The following ERGIC3 variants were observed in gnomAD, a reference collection of about 807,000 sequenced individuals.
The protein encoded by ERGIC3 is endoplasmic reticulum-Golgi intermediate compartment protein 3.
Under a neutral mutation model 54.7 loss-of-function variants are expected in ERGIC3, and 33 were observed. The observed-to-expected ratio is 0.60, with a 90% confidence interval of 0.46 to 0.81. ERGIC3 has a LOEUF of 0.81. Ranked by LOEUF, ERGIC3 falls within the 30% of genes least tolerant of loss-of-function variation. The pLI is 0.00. For missense variants in ERGIC3, 399 were observed against 488.4 expected (o/e 0.82, Z 1.73); for synonymous variants, 186 against 189.8 (o/e 0.98, Z 0.16).
rs1568872896 is a variant in ERGIC3, at chr20:35,555,171, G to A, written c.717+96G>A. 7.0e-6 allele frequency: 10 copies of A among 1,421,708 alleles called. No homozygotes were observed. In the East Asian group the frequency reaches 2.0e-4, roughly 29 times the overall value. The allele number at this position is 1,421,708 out of a possible 1,614,324, so 88.1% of individuals were successfully genotyped here. A position where few individuals can be genotyped will look rare whatever the true frequency, so the allele number is the denominator to read the frequency against. On this transcript the variant is annotated intron_variant, in intron 8 of 12. Coordinates refer to ENST00000348547, the MANE Select transcript of ERGIC3 (RefSeq NM_015966.3). ...TAGGAACATCCTGGGATGGGGTAGT[G>A]CATATGGAAAAATACACCACGTTCT...
rs755233679 is a variant in ERGIC3 at position 35,547,552 on chromosome 20, G to A, written c.461+47G>A. The A allele has an allele frequency of 4.5e-6, 7 of 1,562,678 alleles. No homozygotes were observed. The Admixed American group carries it at 5.0e-5, about 11-fold the overall frequency. ...GCAGGGTTCCCATCAGGCGCCATCT[G>A]TCAGTCAGCCTCAGCCTCAGTCAGA... On this transcript the variant is annotated intron_variant, in intron 5 of 12. Coordinates refer to ENST00000348547, the MANE Select transcript of ERGIC3 (RefSeq NM_015966.3).
chr20:35,551,415 A>G (rs566567735), intron 7 of ERGIC3, among the ~76,000 whole-genome samples: 8 of 152,270 alleles, frequency 5.3e-5, no homozygotes, highest in East Asian at 1.9e-4. Context: ...TGTTCAGACC[A>G]ATAGCATCTG....
intron 4 of ERGIC3, 134 bp downstream of exon 4, chr20:35,543,075 A>T: frequency 1.5e-6 from 2 of 1,308,602 alleles, no homozygotes; most frequent in Non-Finnish European, 2.1e-6. Flanking sequence ...TGACTTGCCT[A>T]GGGTCCCCCA....
At chr20:35,556,292 C>T in intron 10 of ERGIC3, 21 bp downstream of exon 10, 1 of 1,613,448 alleles carries the variant, frequency 6.2e-7, no homozygotes. Flanking sequence ...GAGCTCCCTA[C>T]CAGAGTCTCC....
Position 35,548,683 on chromosome 20 carries a change from A to C in ERGIC3, c.627+9A>C. On this transcript the variant is annotated intron_variant, in intron 6 of 12. Transcript: ENST00000348547. ...TCTTGGAAGTCAATAAGGTATCAGG[A>C]GGGATCAAGACAAGATAGGGCCAGC... The C allele has an allele frequency of 2.5e-6, 4 of 1,614,256 alleles. No homozygotes were observed. The highest frequency in any genetic ancestry group is 1.1e-5 in the South Asian group (1 of 91,086).
At chr20:35,542,263 CT>C (rs1425544356) in intron 1 of ERGIC3, 59 bp from the exon 2 acceptor site, 3 of 1,612,776 alleles carry the variant, frequency 1.9e-6, no homozygotes, top group Non-Finnish European at 1.7e-6. Context: ...TCTGACTGGC[CT>C]GCCGGTGTCT....
At position 35,542,733 on chromosome 20, in the gene ERGIC3, A is replaced by G. The variant is rs1601358335; in HGVS notation, c.248-89A>G. The G allele has an allele frequency of 1.9e-6, 3 of 1,609,616 alleles. No individual in the cohort carries two copies. In the Middle Eastern group the frequency reaches 5.0e-4, roughly 270 times the overall value. ...CTTCTCCTCATCCCGTTCTGCCCCA[A>G]GACAGGCCCAGTATCCCCTTCCCCT... On this transcript the variant is annotated intron_variant, in intron 3 of 12. Transcript: ENST00000348547.
chr20:35,544,416 G>T, intron 4 of ERGIC3: 1 of 297,626 alleles, frequency 3.4e-6, no homozygotes, highest in Non-Finnish European at 6.7e-6. Context: ...CAGAGAGAGG[G>T]CAGGACAGGG....
At chr20:35,556,949 G>GC in intron 10 of ERGIC3, 24 bp from the exon 11 acceptor site, 1 of 1,613,774 alleles carries the variant, frequency 6.2e-7, no homozygotes, top group East Asian at 2.2e-5. Flanking sequence ...CCTAGCCCTG[G>GC]CCCAGGCTCC....
rs551655672 is a variant in ERGIC3 at position 35,542,178 on chromosome 20, C to A, written c.81C>A (p.Gly27=). Residue 27 remains glycine (G), a synonymous_variant, in exon 1 of 13, where the codon GGC becomes GGA. Transcript: ENST00000348547. ...ACTTCCGGGTCAAGACCTGCGGGGG[C>A]GCCACCGGTAGGCCGCAGCGGGGCC... ...LEDFRVKTCG[G]ATVTIVSGLL... 5.7e-6 allele frequency: 9 copies of A among 1,578,166 alleles called. No homozygotes were observed. In the South Asian group the frequency reaches 1.0e-4, roughly 18 times the overall value.
chr20:35,554,854 C>T (rs1021872342), intron 7 of ERGIC3, 190 bp from the exon 8 acceptor site: 27 of 701,868 alleles, frequency 3.8e-5, no homozygotes, highest in Non-Finnish European at 5.9e-5. Flanking sequence ...CTGAGGAGGG[C>T]GTGAACTCTC....
chr20:35,557,099 GAGA>G lies in ERGIC3; in HGVS notation c.1009_1011del (p.Lys337del). ...CTCGCCCATGATGGTGAAGCTGACG[GAGA>G]AGCACAGGTGAGGATGGGGGCAAAG... On this transcript the variant is annotated inframe_deletion, in exon 11 of 13. Coordinates refer to ENST00000348547, the MANE Select transcript of ERGIC3 (RefSeq NM_015966.3). 6.2e-7 allele frequency: 1 copy of G among 1,614,260 alleles called. No homozygotes were observed. Among genetic ancestry groups the G allele is most frequent in the Non-Finnish European group, 8.5e-7 (1 of 1,180,040 alleles).
At chr20:35,548,352 G>C (rs2064662275) in intron 5 of ERGIC3, among the ~76,000 whole-genome samples, 157 bp from the exon 6 acceptor site, 1 of 152,170 alleles carries the variant, frequency 6.6e-6, no homozygotes, top group Admixed American at 6.6e-5. Context: ...CAGTCCTTCT[G>C]CCACTGAGGA....
At chr20:35,556,651 G>A (rs2064714514) in intron 10 of ERGIC3, 1 of 502,676 alleles carries the variant, frequency 2.0e-6, no homozygotes. Flanking sequence ...GCGAGGGGCT[G>A]AGGGCAGAGG....
intron 10 of ERGIC3, 72 bp from the exon 11 acceptor site, chr20:35,556,901 A>G: frequency 6.3e-7 from 1 of 1,599,942 alleles, no homozygotes; most frequent in East Asian, 2.2e-5. Context: ...GGGAAGGAGC[A>G]GGGGTGGGGC....
Position 35,557,503 on chromosome 20 carries a change from A to AGTC in ERGIC3, c.1152_*2dup. The AGTC allele has an allele frequency of 6.2e-7, 1 of 1,613,894 alleles. No homozygotes were observed. Among genetic ancestry groups the AGTC allele is most frequent in the African/African-American group, 1.3e-5 (1 of 75,040 alleles). Reference sequence around the variant, plus strand: ...AAAATTGATCTAGGGAAGACAACGTAGTCACCCTCGGTGCTTCCTCTGTCT... The same window carrying AGTC: ...AAAATTGATCTAGGGAAGACAACGTAGTCGTCACCCTCGGTGCTTCCTCTGTCT... On this transcript the variant is annotated inframe_insertion and stop_retained_variant, in exon 13 of 13. Coordinates refer to ENST00000348547, the MANE Select transcript of ERGIC3 (RefSeq NM_015966.3).
intron 4 of ERGIC3, among the ~76,000 whole-genome samples, chr20:35,546,159 G>C (rs953839396): frequency 2.0e-5 from 3 of 152,154 alleles, no homozygotes; most frequent in Non-Finnish European, 4.4e-5. Flanking sequence ...ATTGAAATTA[G>C]CAACAAAGAG....
rs773446050 is a variant in ERGIC3 at position 35,542,841 on chromosome 20, G to A, written c.267G>A (p.Met89Ile). The A allele has an allele frequency of 6.2e-7, 1 of 1,614,120 alleles. No homozygotes were observed. Among genetic ancestry groups the A allele is most frequent in the East Asian group, 2.2e-5 (1 of 44,882 alleles). ...MPCAYLSIDA[M>I]DVAGEQQLDV... ...TTCCAGATCTGAGTATTGATGCCAT[G>A]GATGTGGCCGGAGAACAGCAGCTGG... The change falls in exon 4 of 13, where the codon ATG becomes ATA. Residue 89 changes from methionine to isoleucine, a missense_variant. Coordinates refer to ENST00000348547, the MANE Select transcript of ERGIC3 (RefSeq NM_015966.3).
intron 4 of ERGIC3, among the ~76,000 whole-genome samples, chr20:35,547,087 A>G (rs2064652626): frequency 1.3e-5 from 2 of 152,160 alleles, no homozygotes; most frequent in South Asian, 4.1e-4. Context: ...AGTGAGCCTC[A>G]ACATCTTCTC....
Sources: gnomAD v4.1 joint callset for allele counts (sites outside exome capture counted in the v4.1 genomes callset) on GRCh38, gnomAD v4.1.1 for gene constraint, MANE v1.5 for transcripts, NCBI Gene and HGNC (gene_info 2026-07-23, HGNC 2026-07-21) for gene names.